The following ACER2 variants were observed in gnomAD, a reference collection of about 807,000 sequenced individuals.
ACER2 encodes the protein alkCDase 2.
In ACER2, 26 loss-of-function variants were observed where a neutral mutation model predicts 34.7. The ratio of observed to expected loss-of-function variants is 0.75; its 90% CI spans 0.55 to 1.04. The LOEUF (loss-of-function observed/expected upper bound fraction) is 1.04. Ranked by LOEUF, ACER2 falls within the 50% of genes least tolerant of loss-of-function variation. ACER2 has a pLI of 0.00. For missense variants in ACER2, 352 were observed against 340.8 expected (o/e 1.03, Z -0.26); for synonymous variants, 138 against 132.1 (o/e 1.04, Z -0.31).
chr9:19,424,696 C>T lies in ACER2; in HGVS notation c.224-4C>T, dbSNP rs1431232616. 3 of 1,612,832 alleles carry T rather than the reference C, an allele frequency of 1.9e-6. No homozygotes were observed. The highest frequency in any genetic ancestry group is 2.2e-5 in the South Asian group (2 of 90,946). ...CTTTTTTTATTGGTTGTAATTGATTCTAGGAATTGGATCCGTCTACTTCCA... is the reference window on the plus strand; with the variant it reads ...CTTTTTTTATTGGTTGTAATTGATTTTAGGAATTGGATCCGTCTACTTCCA... On this transcript the variant is annotated splice_polypyrimidine_tract_variant and splice_region_variant and intron_variant, in intron 2 of 5. Coordinates refer to ENST00000340967, the MANE Select transcript of ACER2 (RefSeq NM_001010887.3).
intron 3 of ACER2, among the ~76,000 whole-genome samples, chr9:19,431,215 T>C (rs1305934124): frequency 2.0e-5 from 3 of 152,208 alleles, no homozygotes; most frequent in African/African-American, 7.2e-5. Context: ...TAATATGTAC[T>C]GGGCACTGTG....
At chr9:19,425,783 C>G (rs983809800) in intron 3 of ACER2, among the ~76,000 whole-genome samples, 4 of 152,164 alleles carry the variant, frequency 2.6e-5, no homozygotes, top group African/African-American at 9.7e-5. Context: ...ACACATTACC[C>G]ACATTTTCTG....
intron 1 of ACER2, among the ~76,000 whole-genome samples, chr9:19,414,904 A>G (rs10123805): frequency 0.14 from 20,629 of 151,138 alleles, 1,535 homozygotes; most frequent in South Asian, 0.25. Context: ...TCAGCGACCA[A>G]TACAATTTTG....
At chr9:19,413,376 A>G (rs1830147041) in intron 1 of ACER2, among the ~76,000 whole-genome samples, 1 of 152,132 alleles carries the variant, frequency 6.6e-6, no homozygotes. Flanking sequence ...AAGTGGGAGG[A>G]TCACTTGAGG....
chr9:19,433,112 C>G (rs1215566532), intron 3 of ACER2, among the ~76,000 whole-genome samples: 1 of 141,072 alleles, frequency 7.1e-6, no homozygotes, highest in Non-Finnish European at 1.5e-5. Context: ...GGCTAAGTTT[C>G]TCGAAGTGGA....
intron 1 of ACER2, among the ~76,000 whole-genome samples, chr9:19,420,479 C>T (rs775515752): frequency 2.0e-5 from 3 of 152,078 alleles, no homozygotes; most frequent in Non-Finnish European, 2.9e-5. Context: ...ATGTTCCTAC[C>T]GCTTCATATC....
Position 19,450,558 on chromosome 9 carries a change from T to C in ACER2, c.750T>C (p.Asn250=). The C allele has an allele frequency of 1.9e-6, 3 of 1,610,700 alleles. No individual in the cohort carries two copies. Among genetic ancestry groups the C allele is most frequent in the Middle Eastern group, 1.7e-4 (1 of 6,050 alleles). Reference sequence around the variant, plus strand: ...GCCCTGTCATCAAGTTCTGGCCCAATGAGAAATGGGCCTTCATTGGTGTCC... The same window carrying C: ...GCCCTGTCATCAAGTTCTGGCCCAACGAGAAATGGGCCTTCATTGGTGTCC... ...EQGPVIKFWP[N]EKWAFIGVPY... Residue 250 remains asparagine, a synonymous_variant, in exon 6 of 6, where the codon AAT becomes AAC. Coordinates refer to ENST00000340967, the MANE Select transcript of ACER2 (RefSeq NM_001010887.3).
chr9:19,416,581 A>G (rs1301665834), intron 1 of ACER2, among the ~76,000 whole-genome samples: 1 of 151,944 alleles, frequency 6.6e-6, no homozygotes, highest in Admixed American at 6.6e-5. Flanking sequence ...GCTGGAGTGC[A>G]ATGGTGTGAT....
intron 3 of ACER2, 76 bp downstream of exon 3, chr9:19,424,917 A>T: frequency 6.4e-7 from 1 of 1,556,696 alleles, no homozygotes; most frequent in South Asian, 1.2e-5. Context: ...ATGAAGAAAA[A>T]TAGCACATGA....
chr9:19,437,005 CT>C (rs1476283402), intron 4 of ACER2, among the ~76,000 whole-genome samples: 1 of 152,210 alleles, frequency 6.6e-6, no homozygotes, highest in Non-Finnish European at 1.5e-5. Flanking sequence ...TCATACCTGA[CT>C]GTTCCTACTC....
At chr9:19,433,850 A>G (rs1589053407) in intron 3 of ACER2, among the ~76,000 whole-genome samples, 1 of 143,576 alleles carries the variant, frequency 7.0e-6, no homozygotes, top group South Asian at 2.3e-4. Context: ...ACTTCCCAGT[A>G]GGGGCGGTCG....
At chr9:19,420,151 G>A (rs901797648) in intron 1 of ACER2, among the ~76,000 whole-genome samples, 2 of 152,194 alleles carry the variant, frequency 1.3e-5, no homozygotes, top group Admixed American at 6.5e-5. Flanking sequence ...GCTCACTTCA[G>A]TTCTGTTCAG....
At chr9:19,419,958 C>T (rs998166084) in intron 1 of ACER2, among the ~76,000 whole-genome samples, 3 of 152,132 alleles carry the variant, frequency 2.0e-5, no homozygotes, top group African/African-American at 7.2e-5. Flanking sequence ...CCATCTTTCT[C>T]CCGTTTCTAA....
intron 3 of ACER2, among the ~76,000 whole-genome samples, chr9:19,426,836 A>G (rs1424549118): frequency 4.6e-5 from 7 of 152,090 alleles, no homozygotes; most frequent in Non-Finnish European, 4.4e-5. Context: ...CTGAGGCAGG[A>G]AGATCTCTTG....
intron 3 of ACER2, among the ~76,000 whole-genome samples, chr9:19,430,531 C>T (rs1589049939): frequency 6.6e-6 from 1 of 152,298 alleles, no homozygotes; most frequent in Admixed American, 6.5e-5. Flanking sequence ...GACTGGTTTT[C>T]TGCTGGCCAC....
intron 3 of ACER2, among the ~76,000 whole-genome samples, chr9:19,425,538 A>G (rs893768388): frequency 1.3e-5 from 2 of 152,246 alleles, no homozygotes; most frequent in African/African-American, 4.8e-5. Context: ...TCTTCCTCTA[A>G]TGAGCTTACA....
chr9:19,438,624 G>A (rs1831048065), intron 4 of ACER2, among the ~76,000 whole-genome samples: 1 of 152,196 alleles, frequency 6.6e-6, no homozygotes, highest in Non-Finnish European at 1.5e-5. Context: ...GTCCAGTGAT[G>A]CTAGCTTATA....
chr9:19,423,479 T>G (rs557838023), intron 1 of ACER2, among the ~76,000 whole-genome samples: 1 of 152,176 alleles, frequency 6.6e-6, no homozygotes, highest in Non-Finnish European at 1.5e-5. Context: ...AGCAGGCAGA[T>G]CACCTGAGGT....
In ACER2 at chr9:19,418,880, T is replaced by G. The variant is rs1042736060; in HGVS notation, c.109-4982T>G. On this transcript the variant is annotated intron_variant, in intron 1 of 5. Coordinates refer to ENST00000340967, the MANE Select transcript of ACER2 (RefSeq NM_001010887.3). ...GAAAGAAAGTTAAGGGCTTTGATCA[T>G]AACAATGAATAAAAGCCTACTGCTG... Among the ~76,000 whole-genome samples, 10 of 152,228 alleles carry G rather than the reference T, an allele frequency of 6.6e-5. No individual in the cohort carries two copies. The South Asian group carries it at 1.7e-3, about 25-fold the overall frequency.
Sources: gnomAD v4.1 joint callset for allele counts (sites outside exome capture counted in the v4.1 genomes callset) on GRCh38, gnomAD v4.1.1 for gene constraint, MANE v1.5 for transcripts, NCBI Gene and HGNC (gene_info 2026-07-23, HGNC 2026-07-21) for gene names.